Variants in GLT8D2 observed in about 807,000 individuals in gnomAD.
GLT8D2 encodes glycosyltransferase 8 domain containing 2, also known as glycosyltransferase 8 domain-containing protein 2.
GLT8D2 carries 45 observed loss-of-function variants against 44.5 expected under a neutral mutation model. The observed-to-expected ratio is 1.01, with a 90% CI of 0.80 to 1.30. GLT8D2 has a LOEUF of 1.30. Ranked by LOEUF, GLT8D2 falls within the 50% of genes most tolerant of loss-of-function variation. GLT8D2 has a pLI of 0.00. For synonymous variants in GLT8D2, 156 were observed against 157.2 expected (o/e 0.99, Z 0.06); for missense variants, 400 against 430.4 (o/e 0.93, Z 0.62).
In GLT8D2 at chr12:103,989,526, A is replaced by G; in HGVS notation, c.932T>C (p.Leu311Ser). The G allele has an allele frequency of 6.2e-7, 1 of 1,613,628 alleles. No homozygotes were observed. Among genetic ancestry groups the G allele is most frequent in the Non-Finnish European group, 8.5e-7 (1 of 1,179,728 alleles). ...YSEHFLQEAK[L>S]LHWNGRHKPW... Reference sequence around the variant, plus strand: ...TTTATGTCTTCCATTCCAGTGGAGTAATTTAGCTTCCTGCAGAAAATGCTC... The same window carrying G: ...TTTATGTCTTCCATTCCAGTGGAGTGATTTAGCTTCCTGCAGAAAATGCTC... Residue 311 changes from leucine to serine, a missense_variant, in exon 11 of 11, where the codon TTA becomes TCA. By Grantham distance (145) the Leu-to-Ser change is moderately radical. Coordinates refer to ENST00000360814, the MANE Select transcript of GLT8D2 (RefSeq NM_001384711.1).
chr12:104,028,025 AG>A (rs758799461), intron 1 of GLT8D2, among the ~76,000 whole-genome samples: 1 of 152,244 alleles, frequency 6.6e-6, no homozygotes, highest in Non-Finnish European at 1.5e-5. Flanking sequence ...GCAGAGGAAT[AG>A]TAAATGCTGA....
intron 4 of GLT8D2, among the ~76,000 whole-genome samples, chr12:104,008,726 G>C (rs1875418523): frequency 6.6e-6 from 1 of 152,228 alleles, no homozygotes; most frequent in Non-Finnish European, 1.5e-5. Flanking sequence ...GGAGAAAATG[G>C]TTTTGTGGTC....
intron 1 of GLT8D2, among the ~76,000 whole-genome samples, chr12:104,062,266 T>C (rs1036851405): frequency 6.6e-6 from 1 of 151,922 alleles, no homozygotes; most frequent in Non-Finnish European, 1.5e-5. Flanking sequence ...TAGAGATGGG[T>C]TTCACCATGT....
At chr12:104,005,127 A>G (rs1343250469) in intron 4 of GLT8D2, among the ~76,000 whole-genome samples, 4 of 152,118 alleles carry the variant, frequency 2.6e-5, no homozygotes, top group Non-Finnish European at 4.4e-5. Context: ...AACAAGAAAC[A>G]GGGAAAGGAC....
rs1872400492 is a variant in GLT8D2 at position 103,989,217 on chromosome 12, A to G, written c.*191T>C. 4.7e-6 allele frequency: 2 copies of G among 425,320 alleles called. No individual in the cohort carries two copies. The highest frequency in any genetic ancestry group is 8.3e-6 in the Non-Finnish European group (2 of 240,846). 26.3% of individuals were successfully genotyped at this position (425,320 alleles called of 1,614,324 possible). A position where few individuals can be genotyped will look rare whatever the true frequency, so the allele number is the denominator to read the frequency against. ...TCACATAATCTTGATTTCCATAGTT[A>G]TCACATGTACTTAAAGAAGTTAATC... On this transcript the variant is annotated 3_prime_UTR_variant, in exon 11 of 11. Transcript: ENST00000360814.
At chr12:104,002,191 C>T (rs1333919364) in intron 5 of GLT8D2, among the ~76,000 whole-genome samples, 1 of 152,110 alleles carries the variant, frequency 6.6e-6, no homozygotes. Context: ...GAGCCTGATC[C>T]CAAGTCATCC....
In GLT8D2 at chr12:104,013,796, C is replaced by T. The variant is rs1345563555; in HGVS notation, c.112+1217G>A. ...TCACTCTGTCATCCAAGCTGGAGTG[C>T]AGTGGCACTATCAGGGCTCACTGCT... On this transcript the variant is annotated intron_variant, in intron 4 of 10. Transcript: ENST00000360814. Among the ~76,000 whole-genome samples the T allele has an allele frequency of 2.0e-5, 3 of 152,142 alleles. No individual in the cohort carries two copies. The South Asian group carries it at 6.2e-4, about 31-fold the overall frequency.
At chr12:104,017,360 TTGTCCAGGCTGGAGTGCAATGGCACA>T (rs1566200187) in intron 3 of GLT8D2, among the ~76,000 whole-genome samples, 5 of 152,238 alleles carry the variant, frequency 3.3e-5, no homozygotes, top group African/African-American at 1.2e-4. Flanking sequence ...TTCACTCTTG[TTGTCCAGGCTGGAGTGCAATGGCACA>T]GCCTTGGCTC....
intron 4 of GLT8D2, among the ~76,000 whole-genome samples, chr12:104,010,195 TC>T (rs766666820): frequency 2.6e-5 from 4 of 152,210 alleles, no homozygotes; most frequent in Non-Finnish European, 5.9e-5. Context: ...AAGCCACATT[TC>T]TTTGCCTGGC....
intron 1 of GLT8D2, among the ~76,000 whole-genome samples, chr12:104,037,339 C>T (rs1200054363): frequency 1.3e-5 from 2 of 151,990 alleles, no homozygotes; most frequent in Non-Finnish European, 2.9e-5. Context: ...GAGATAGAGA[C>T]ACAAAAAACC....
At position 104,025,243 on chromosome 12, in the gene GLT8D2, C is replaced by A. The variant is rs143269938; in HGVS notation, c.-163-3752G>T. On this transcript the variant is annotated intron_variant, in intron 1 of 10. Coordinates refer to ENST00000360814, the MANE Select transcript of GLT8D2 (RefSeq NM_001384711.1). ...TTTTTTTTTGAAACAGGGTTTTACT[C>A]CATCACCCAGGCTCAAGTACAGTGG... Among the ~76,000 whole-genome samples, 274 of 151,600 alleles carry A rather than the reference C, an allele frequency of 1.8e-3. 2 individuals are homozygous for A. The highest frequency in any genetic ancestry group is 6.3e-3 in the African/African-American group (261 of 41,300).
At chr12:104,044,432 A>G (rs1298416141) in intron 1 of GLT8D2, among the ~76,000 whole-genome samples, 2 of 152,242 alleles carry the variant, frequency 1.3e-5, no homozygotes, top group Non-Finnish European at 2.9e-5. Context: ...GCCTGGCAAT[A>G]TAAGCCCTCA....
intron 1 of GLT8D2, among the ~76,000 whole-genome samples, chr12:104,033,789 T>C (rs2136443698): frequency 9.4e-6 from 1 of 105,838 alleles, no homozygotes; most frequent in East Asian, 2.6e-4. Flanking sequence ...TGTGTGTGTA[T>C]ATATGTGTGT....
chr12:104,002,504 T>C (rs755666160), intron 5 of GLT8D2, among the ~76,000 whole-genome samples: 52 of 152,348 alleles, frequency 3.4e-4, no homozygotes, highest in Non-Finnish European at 6.9e-4. Flanking sequence ...AATCTGTCCA[T>C]TTTTCTGGAT....
intron 1 of GLT8D2, among the ~76,000 whole-genome samples, chr12:104,025,822 C>T (rs1173201153): frequency 6.6e-6 from 1 of 152,074 alleles, no homozygotes; most frequent in African/African-American, 2.4e-5. Context: ...AAGGGGACTT[C>T]AAATCTGGCA....
chr12:104,049,167 A>G (rs1280667516), intron 1 of GLT8D2, among the ~76,000 whole-genome samples: 1 of 148,798 alleles, frequency 6.7e-6, no homozygotes, highest in East Asian at 2.0e-4. Flanking sequence ...ACAGGGGCCA[A>G]ACAACGAGAG....
At chr12:104,048,671 G>T (rs916973886) in intron 1 of GLT8D2, among the ~76,000 whole-genome samples, 3 of 152,108 alleles carry the variant, frequency 2.0e-5, no homozygotes, top group Non-Finnish European at 4.4e-5. Flanking sequence ...GACATATTAG[G>T]GTATGAGGAA....
chr12:104,012,179 AAAAAAAAAAAATAT>A (rs1212126904), intron 4 of GLT8D2, among the ~76,000 whole-genome samples: 1 of 77,632 alleles, frequency 1.3e-5, no homozygotes, highest in Non-Finnish European at 2.8e-5. Context: ...TCAAAAAAAA[AAAAAAAAAAAATAT>A]ATATATATAT....
chr12:103,996,851 A>G lies in GLT8D2; in HGVS notation c.488-4T>C, dbSNP rs1342969770. The G allele has an allele frequency of 1.9e-6, 3 of 1,603,220 alleles. No individual in the cohort carries two copies. The highest frequency in any genetic ancestry group is 2.2e-5 in the East Asian group (1 of 44,806). ...TCATACAGTTCTTGGATATCACCTGAATTTAGAAACACCACCAAGTAAAAC... is the reference window on the plus strand; with the variant it reads ...TCATACAGTTCTTGGATATCACCTGGATTTAGAAACACCACCAAGTAAAAC... On this transcript the variant is annotated splice_polypyrimidine_tract_variant and splice_region_variant and intron_variant, in intron 7 of 10. Transcript: ENST00000360814.
Sources: gnomAD v4.1 joint callset for allele counts (sites outside exome capture counted in the v4.1 genomes callset) on GRCh38, gnomAD v4.1.1 for gene constraint, MANE v1.5 for transcripts, NCBI Gene and HGNC (gene_info 2026-07-23, HGNC 2026-07-21) for gene names.